Variants in MTHFD1L observed in about 807,000 individuals in gnomAD.
The protein encoded by MTHFD1L is monofunctional C1-tetrahydrofolate synthase, mitochondrial.
MTHFD1L carries 81 observed loss-of-function variants against 119.5 expected under a neutral mutation model. The observed-to-expected ratio is 0.68, with a 90% CI of 0.57 to 0.82. MTHFD1L has a LOEUF of 0.82. Ranked by LOEUF, MTHFD1L falls within the 40% of genes least tolerant of loss-of-function variation. The pLI, the probability that MTHFD1L is intolerant of heterozygous loss-of-function variation, is 0.00. For synonymous variants in MTHFD1L, 430 were observed against 475.2 expected, an observed-to-expected ratio of 0.90 and a Z score of 1.24; for missense variants, 1,125 against 1,253.4, an observed-to-expected ratio of 0.90 and a Z score of 1.55.
At chr6:150,977,312 ATAAT>A (rs1271583831) in intron 20 of MTHFD1L, among the ~76,000 whole-genome samples, 3 of 152,222 alleles carry the variant, frequency 2.0e-5, no homozygotes, top group Non-Finnish European at 4.4e-5. Context: ...TCTATTCTGA[ATAAT>A]TAGTCTAAGA....
chr6:151,006,317 G>T (rs1422026898), intron 20 of MTHFD1L, among the ~76,000 whole-genome samples: 1 of 152,150 alleles, frequency 6.6e-6, no homozygotes, highest in Non-Finnish European at 1.5e-5. Context: ...GGGGAGAGAG[G>T]AATGTTCCAC....
At chr6:151,051,629 G>A (rs1355783704) in intron 26 of MTHFD1L, among the ~76,000 whole-genome samples, 1 of 152,192 alleles carries the variant, frequency 6.6e-6, no homozygotes, top group African/African-American at 2.4e-5. Context: ...TCACAAGGGA[G>A]TGAAAACCTG....
chr6:151,073,268 G>T (rs369638499), intron 26 of MTHFD1L, among the ~76,000 whole-genome samples: 2 of 152,268 alleles, frequency 1.3e-5, no homozygotes, highest in East Asian at 3.9e-4. Flanking sequence ...ATCAAAGTGT[G>T]GTTGTGAGAA....
chr6:150,905,871 T>C, intron 8 of MTHFD1L, 110 bp downstream of exon 8: 1 of 841,160 alleles, frequency 1.2e-6, no homozygotes, highest in Non-Finnish European at 2.0e-6. Flanking sequence ...GTCGTCAACA[T>C]TAATATATAG....
chr6:151,060,059 A>G (rs372944140), intron 26 of MTHFD1L, among the ~76,000 whole-genome samples: 1 of 152,230 alleles, frequency 6.6e-6, no homozygotes, highest in East Asian at 1.9e-4. Context: ...CAACCCTGCC[A>G]TAAACAACTC....
chr6:151,064,085 A>C (rs930732207), intron 26 of MTHFD1L, among the ~76,000 whole-genome samples: 1 of 152,154 alleles, frequency 6.6e-6, no homozygotes, highest in African/African-American at 2.4e-5. Context: ...TGTAAAATCA[A>C]ATTGTCTTTT....
At chr6:150,948,154 T>G (rs1375503744) in intron 15 of MTHFD1L, among the ~76,000 whole-genome samples, 1 of 148,384 alleles carries the variant, frequency 6.7e-6, no homozygotes, top group African/African-American at 2.5e-5. Flanking sequence ...ATTACAGGCA[T>G]GTGCCACCAC....
At chr6:150,932,519 C>G (rs2128925061) in intron 11 of MTHFD1L, among the ~76,000 whole-genome samples, 1 of 152,110 alleles carries the variant, frequency 6.6e-6, no homozygotes, top group African/African-American at 2.4e-5. Flanking sequence ...CGCCTGTAAT[C>G]CCAGCACTTT....
chr6:150,994,177 A>G (rs1393506904), intron 20 of MTHFD1L, among the ~76,000 whole-genome samples: 1 of 151,802 alleles, frequency 6.6e-6, no homozygotes, highest in African/African-American at 2.4e-5. Context: ...TGGTTTAGCA[A>G]CTCCTTGATC....
chr6:151,096,170 T>G (rs1794882865), intron 27 of MTHFD1L, among the ~76,000 whole-genome samples: 1 of 152,202 alleles, frequency 6.6e-6, no homozygotes, highest in Non-Finnish European at 1.5e-5. Context: ...ATGAGGTAAT[T>G]TTTTCTAATA....
chr6:150,928,536 C>G (rs1790443040), intron 11 of MTHFD1L, among the ~76,000 whole-genome samples: 1 of 149,966 alleles, frequency 6.7e-6, no homozygotes, highest in South Asian at 2.1e-4. Context: ...TCCTCTTTCT[C>G]CTTCTCTTTG....
chr6:151,002,684 G>T (rs563256072), intron 20 of MTHFD1L, among the ~76,000 whole-genome samples: 1 of 152,208 alleles, frequency 6.6e-6, no homozygotes, highest in Non-Finnish European at 1.5e-5. Flanking sequence ...TTTTTACTGC[G>T]ATAATTCATA....
At chr6:151,052,137 G>A (rs551758949) in intron 26 of MTHFD1L, among the ~76,000 whole-genome samples, 3 of 152,194 alleles carry the variant, frequency 2.0e-5, no homozygotes, top group Admixed American at 6.5e-5. Flanking sequence ...AAACCGGCAC[G>A]GCAGTGAAGT....
At chr6:150,936,670 A>G in intron 11 of MTHFD1L, 134 bp from the exon 12 acceptor site, 1 of 1,101,240 alleles carries the variant, frequency 9.1e-7, no homozygotes. Flanking sequence ...GTAGACCATA[A>G]TAGCCCGAGA....
intron 11 of MTHFD1L, among the ~76,000 whole-genome samples, chr6:150,931,490 G>A (rs910744366): frequency 1.3e-5 from 2 of 152,044 alleles, no homozygotes; most frequent in East Asian, 1.9e-4. Flanking sequence ...ACTTCCCACA[G>A]GGCCTTTGAA....
intron 20 of MTHFD1L, among the ~76,000 whole-genome samples, chr6:151,001,190 T>G (rs1219905409): frequency 6.6e-6 from 1 of 152,208 alleles, no homozygotes. Flanking sequence ...ATATGTTTGT[T>G]GCACACATGG....
chr6:150,981,236 C>G (rs75671677), intron 20 of MTHFD1L, among the ~76,000 whole-genome samples: 1 of 152,138 alleles, frequency 6.6e-6, no homozygotes. Context: ...GATTTTCACA[C>G]GATTTTTGCA....
At chr6:150,906,578 C>T (rs1785950939) in intron 8 of MTHFD1L, among the ~76,000 whole-genome samples, 2 of 152,352 alleles carry the variant, frequency 1.3e-5, no homozygotes, top group African/African-American at 2.4e-5. Flanking sequence ...CTTCCTGATT[C>T]CTTCTGGCTT....
At chr6:150,867,427 A>G (rs1202672145) in intron 1 of MTHFD1L, among the ~76,000 whole-genome samples, 1 of 152,164 alleles carries the variant, frequency 6.6e-6, no homozygotes, top group African/African-American at 2.4e-5. Context: ...CCTGGGCGCA[A>G]GCCATCATCC....
Sources: gnomAD v4.1 joint callset for allele counts (sites outside exome capture counted in the v4.1 genomes callset) on GRCh38, gnomAD v4.1.1 for gene constraint, MANE v1.5 for transcripts, NCBI Gene and HGNC (gene_info 2026-07-23, HGNC 2026-07-21) for gene names.